VASH2: variants seen among roughly 807,000 people sequenced by gnomAD.
VASH2 encodes tubulinyl-Tyr carboxypeptidase 2.
VASH2 carries 28 observed loss-of-function variants against 37.2 expected under a neutral mutation model. The observed-to-expected ratio is 0.75, with a 90% confidence interval of 0.56 to 1.03. The LOEUF is 1.03. Ranked by LOEUF, VASH2 falls within the 50% of genes least tolerant of loss-of-function variation. VASH2 has a pLI of 0.00. For missense variants in VASH2, 419 were observed against 459.1 expected (o/e 0.91, Z 0.80); for synonymous variants, 188 against 174.7 (o/e 1.08, Z -0.60).
intron 7 of VASH2, among the ~76,000 whole-genome samples, chr1:212,979,554 C>T (rs986698064): frequency 2.6e-5 from 4 of 152,204 alleles, no homozygotes; most frequent in Admixed American, 2.0e-4. Flanking sequence ...CCCCATCCAC[C>T]TCCTCCCTCC....
intron 7 of VASH2, among the ~76,000 whole-genome samples, chr1:212,974,361 A>G (rs892732027): frequency 1.1e-4 from 16 of 152,148 alleles, no homozygotes; most frequent in Admixed American, 2.6e-4. Flanking sequence ...CCTTGGACTT[A>G]GAATTAGGAA....
rs565459280 is a variant in VASH2 at position 212,965,825 on chromosome 1, C to T, written c.422+47C>T. On this transcript the variant is annotated intron_variant, in intron 4 of 7. Transcript: ENST00000517399. ...GGCCAGATGACCTCTCTCCTACATTCGAGCTGCCAGCTTCCTCTCCCAACC... is the reference window on the plus strand; with the variant it reads ...GGCCAGATGACCTCTCTCCTACATTTGAGCTGCCAGCTTCCTCTCCCAACC... The T allele has an allele frequency of 2.3e-5, 34 of 1,510,770 alleles. No homozygotes were observed. In the South Asian group the frequency reaches 2.4e-4, roughly 11 times the overall value. 93.6% of individuals were successfully genotyped at this position (1,510,770 alleles called of 1,614,324 possible). A position where few individuals can be genotyped will look rare whatever the true frequency, so the allele number is the denominator to read the frequency against.
chr1:212,967,025 A>G, intron 5 of VASH2: 1 of 1,080,014 alleles, frequency 9.3e-7, no homozygotes, highest in East Asian at 5.9e-5. Context: ...GATTAGAGGC[A>G]GGAGCCATCG....
intron 5 of VASH2, chr1:212,967,336 T>G (rs1666882516): frequency 1.6e-6 from 2 of 1,227,246 alleles, no homozygotes; most frequent in Admixed American, 5.3e-5. Context: ...CCTTTGAAAT[T>G]GTGGGGATAG....
chr1:212,955,657 G>A (rs1258952338), intron 2 of VASH2, among the ~76,000 whole-genome samples: 2 of 152,146 alleles, frequency 1.3e-5, no homozygotes, highest in Non-Finnish European at 2.9e-5. Flanking sequence ...AACAGCAGTC[G>A]GTTTCTTGCA....
At chr1:212,958,256 T>TA (rs1284018503) in intron 2 of VASH2, among the ~76,000 whole-genome samples, 6 of 152,152 alleles carry the variant, frequency 3.9e-5, no homozygotes, top group African/African-American at 1.4e-4. Flanking sequence ...GAGTGAGCTG[T>TA]AGCCTATGAC....
In VASH2 at chr1:212,967,416, T is replaced by C. The variant is rs545556414; in HGVS notation, c.497+1071T>C. ...AGAGCAAAGATGCTCCGAAGTCCTA[T>C]GGGATGGATGGCTGTAAGGGACAGT... is the stretch of plus-strand genomic sequence containing the variant. On this transcript the variant is annotated intron_variant, in intron 5 of 7. Transcript: ENST00000517399. 3.8e-5 allele frequency: 45 copies of C among 1,188,246 alleles called. No homozygotes were observed. In the South Asian group the frequency reaches 5.7e-4, roughly 15 times the overall value. The allele number at this position is 1,188,246 out of a possible 1,614,324, so 73.6% of individuals were successfully genotyped here.
intron 7 of VASH2, among the ~76,000 whole-genome samples, chr1:212,984,434 G>T (rs1453400818): frequency 2.6e-5 from 4 of 152,154 alleles, no homozygotes; most frequent in Non-Finnish European, 5.9e-5. Flanking sequence ...TTTTCTCCCT[G>T]AGCCTACCCT....
At chr1:212,953,239 G>T (rs1004781697) in intron 2 of VASH2, among the ~76,000 whole-genome samples, 1 of 151,742 alleles carries the variant, frequency 6.6e-6, no homozygotes, top group Non-Finnish European at 1.5e-5. Flanking sequence ...GCGGGGGGGG[G>T]TGCATTCTCT....
intron 3 of VASH2, chr1:212,961,469 C>T: frequency 1.0e-6 from 1 of 959,404 alleles, no homozygotes; most frequent in Non-Finnish European, 1.5e-6. Flanking sequence ...CCCCTTGAGC[C>T]CTTCTGCTTC....
chr1:212,977,935 G>A (rs1427697897), intron 7 of VASH2, among the ~76,000 whole-genome samples: 1 of 152,230 alleles, frequency 6.6e-6, no homozygotes, highest in Non-Finnish European at 1.5e-5. Context: ...TGGGAAAACT[G>A]AGTTGGCGGT....
intron 7 of VASH2, among the ~76,000 whole-genome samples, chr1:212,979,026 T>C (rs1667260535): frequency 6.6e-6 from 1 of 150,386 alleles, no homozygotes; most frequent in Admixed American, 6.6e-5. Context: ...GTCTACTGTG[T>C]AGGAGGAGAG....
intron 3 of VASH2, 89 bp from the exon 4 acceptor site, chr1:212,965,633 A>C: frequency 8.0e-7 from 1 of 1,255,412 alleles, no homozygotes; most frequent in Non-Finnish European, 1.1e-6. Context: ...TCCTCATCTC[A>C]TTGAGAAATC....
chr1:212,969,264 C>G, intron 5 of VASH2: 3 of 890,358 alleles, frequency 3.4e-6, no homozygotes, highest in Non-Finnish European at 4.0e-6. Context: ...GAGATCTCAG[C>G]TCACTGCAAG....
Position 212,972,773 on chromosome 1 carries a change from G to C in VASH2, c.691G>C (p.Asp231His), listed in dbSNP as rs1334171764. The C allele has an allele frequency of 1.2e-6, 2 of 1,614,162 alleles. No homozygotes were observed. Among genetic ancestry groups the C allele is most frequent in the Non-Finnish European group, 1.7e-6 (2 of 1,180,036 alleles). Residue 231 changes from aspartate to histidine, a missense_variant, in exon 6 of 8, where the codon GAC becomes CAC. Asp to His is a moderately conservative substitution (Grantham distance 81). Coordinates refer to ENST00000517399, the MANE Select transcript of VASH2 (RefSeq NM_001301056.2). ...TFRTLSDLIF[D>H]FEDSYKKYLH... ...TCGGACTCTGAGTGACCTCATCTTT[G>C]ACTTTGAGGACTCTTACAAGAAATA...
intron 5 of VASH2, 39 bp downstream of exon 5, chr1:212,966,384 A>T (rs753751653): frequency 1.5e-5 from 23 of 1,526,386 alleles, no homozygotes; most frequent in Non-Finnish European, 1.9e-5. Context: ...TACTCCATAA[A>T]TGGCGGCTTC....
chr1:212,964,163 A>G (rs1427029119), intron 3 of VASH2, among the ~76,000 whole-genome samples: 5 of 152,206 alleles, frequency 3.3e-5, no homozygotes, highest in Admixed American at 6.5e-5. Context: ...ATCTGGGGTT[A>G]TGCTCCATGG....
At chr1:212,955,694 G>A (rs1666468981) in intron 2 of VASH2, among the ~76,000 whole-genome samples, 3 of 152,190 alleles carry the variant, frequency 2.0e-5, no homozygotes, top group Admixed American at 2.0e-4. Context: ...CCTTATTCTC[G>A]AGTTGATTCC....
At chr1:212,973,884 G>A in intron 6 of VASH2, 71 bp from the exon 7 acceptor site, 1 of 1,549,818 alleles carries the variant, frequency 6.5e-7, no homozygotes, top group Non-Finnish European at 8.7e-7. Context: ...GTGGAATGTG[G>A]TGCTAGAAGA....
Sources: gnomAD v4.1 joint callset for allele counts (sites outside exome capture counted in the v4.1 genomes callset) on GRCh38, gnomAD v4.1.1 for gene constraint, MANE v1.5 for transcripts, NCBI Gene and HGNC (gene_info 2026-07-23, HGNC 2026-07-21) for gene names.